AGL: variants seen among roughly 807,000 people sequenced by gnomAD.
AGL encodes glycogen debranching enzyme.
A neutral mutation model predicts 199.3 loss-of-function variants in AGL; 128 were observed. That is an observed-to-expected ratio of 0.64 (90% CI 0.56 to 0.74). AGL has a LOEUF of 0.74. Among genes scored for constraint, AGL ranks in the 30% least tolerant of loss-of-function variants. The pLI is 0.00. For synonymous variants in AGL, 584 were observed against 594.7 expected, an observed-to-expected ratio of 0.98 and a Z score of 0.26; for missense variants, 1,809 against 1,820.8, an observed-to-expected ratio of 0.99 and a Z score of 0.12.
At chr1:99,878,347 A>C (rs1392976357) in intron 12 of AGL, among the ~76,000 whole-genome samples, 1 of 152,054 alleles carries the variant, frequency 6.6e-6, no homozygotes, top group Non-Finnish European at 1.5e-5. Context: ...CTGTCTAAAA[A>C]ATAAATTAAT....
chr1:99,909,814 A>G (rs1159108673), intron 27 of AGL, among the ~76,000 whole-genome samples: 1 of 152,180 alleles, frequency 6.6e-6, no homozygotes, highest in Non-Finnish European at 1.5e-5. Context: ...GAGGAAGATC[A>G]GGGAAAAATG....
rs775007907 is a variant in AGL, at chr1:99,884,253, G to A, written c.2433+9G>A. 18 of 1,612,938 alleles carry A rather than the reference G, an allele frequency of 1.1e-5. No homozygotes were observed. The highest frequency in any genetic ancestry group is 1.4e-5 in the Non-Finnish European group (16 of 1,179,290). Reference sequence around the variant, plus strand: ...TTAGAGAACATATTCAGGTATTTGGGACTCTCATCTTACTACTGTGTTTAG... The same window carrying A: ...TTAGAGAACATATTCAGGTATTTGGAACTCTCATCTTACTACTGTGTTTAG... On this transcript the variant is annotated intron_variant, in intron 18 of 33. Transcript: ENST00000361915.
chr1:99,900,936 A>T, intron 26 of AGL, 75 bp downstream of exon 26: 2 of 1,277,406 alleles, frequency 1.6e-6, no homozygotes. Context: ...TCTAATGTAA[A>T]AATAAGGGTA....
rs909008103 is a variant in AGL, at chr1:99,879,957, A to G, written c.1646A>G (p.Asn549Ser). The G allele has an allele frequency of 1.4e-5, 23 of 1,613,516 alleles. No homozygotes were observed. The highest frequency in any genetic ancestry group is 5.3e-5 in the African/African-American group (4 of 74,858). The change falls in exon 13 of 34, where the codon AAT becomes AGT. Residue 549 changes from asparagine to serine, a missense_variant. Transcript: ENST00000361915. ...GATGCTGCTAGGAATTTGCAACCCA[A>G]TTTATATGTAGTAGCTGAACTGTTC... ...MLDAARNLQP[N>S]LYVVAELFTG...
chr1:99,860,871 C>T (rs1649975597), intron 2 of AGL, among the ~76,000 whole-genome samples: 1 of 152,198 alleles, frequency 6.6e-6, no homozygotes, highest in African/African-American at 2.4e-5. Flanking sequence ...GTCAGAGGTT[C>T]CCACCACCCT....
chr1:99,860,407 C>T (rs975248465), intron 2 of AGL, among the ~76,000 whole-genome samples: 59 of 152,092 alleles, frequency 3.9e-4, no homozygotes, highest in African/African-American at 1.4e-3. Flanking sequence ...AAGTTATATT[C>T]GTGTTTAAAA....
At chr1:99,885,042 AT>A (rs1197404892) in intron 20 of AGL, among the ~76,000 whole-genome samples, 3 of 152,212 alleles carry the variant, frequency 2.0e-5, no homozygotes, top group Non-Finnish European at 4.4e-5. Flanking sequence ...TTTTTTAAAA[AT>A]GTCAACATAT....
intron 21 of AGL, among the ~76,000 whole-genome samples, chr1:99,888,650 G>A (rs1160176896): frequency 1.3e-5 from 2 of 152,024 alleles, no homozygotes; most frequent in East Asian, 3.8e-4. Context: ...ACATACAGTA[G>A]TTGTAAGATG....
At chr1:99,896,240 G>T in intron 24 of AGL, 46 bp from the exon 25 acceptor site, 1 of 1,466,126 alleles carries the variant, frequency 6.8e-7, no homozygotes, top group South Asian at 1.1e-5. Flanking sequence ...AGGTTTGTGT[G>T]TATTATTATG....
rs776015923 is a variant in AGL, at chr1:99,916,689, T to G, written c.4439T>G (p.Leu1480Trp). The G allele has an allele frequency of 9.3e-6, 15 of 1,613,330 alleles. No homozygotes were observed. In the Admixed American group the frequency reaches 2.3e-4, roughly 25 times the overall value. Residue 1480 changes from leucine (L) to tryptophan (W), a missense_variant, in exon 33 of 34, where the codon TTG becomes TGG. Physicochemically the swap from Leu to Trp is moderately conservative, Grantham distance 61. Transcript: ENST00000361915. The part of the protein sequence containing the change: ...GPETTAKTIV[L>W]VKNVLSRHYV... ...GAGACTACTGCAAAGACTATAGTTT[T>G]GGTTAAAAATGTTCTTTCCCGACAT... is the stretch of plus-strand genomic sequence containing the variant.
chr1:99,872,355 C>A (rs1382625084), intron 7 of AGL, among the ~76,000 whole-genome samples: 3 of 152,054 alleles, frequency 2.0e-5, no homozygotes, highest in Admixed American at 6.6e-5. Flanking sequence ...GTGAGTCAAT[C>A]TGAAGGATAC....
chr1:99,881,762 G>C, intron 17 of AGL, 71 bp downstream of exon 17: 1 of 1,284,068 alleles, frequency 7.8e-7, no homozygotes, highest in Non-Finnish European at 1.1e-6. Context: ...TAATGTTATG[G>C]TTATATATCA....
intron 17 of AGL, among the ~76,000 whole-genome samples, chr1:99,882,405 T>C (rs1248415202): frequency 6.6e-6 from 1 of 152,178 alleles, no homozygotes; most frequent in Non-Finnish European, 1.5e-5. Context: ...ACATGCGAAC[T>C]AAAATGGAAA....
Position 99,861,617 on chromosome 1 carries a change from A to T in AGL, c.197A>T (p.Asp66Val). The T allele has an allele frequency of 6.2e-7, 1 of 1,613,910 alleles. No individual in the cohort carries two copies. Among genetic ancestry groups the T allele is most frequent in the Non-Finnish European group, 8.5e-7 (1 of 1,179,844 alleles). ...AATAGAGAAAAATTCCGTTCTCTGG[A>T]TTGGGAAAATCCAACAGAAAGAGAA... Reference protein sequence around the residue: ...TFNREKFRSLDWENPTEREDD... With the variant: ...TFNREKFRSLVWENPTEREDD... The change falls in exon 3 of 34, where the codon GAT becomes GTT. Residue 66 changes from aspartate to valine, a missense_variant. Coordinates refer to ENST00000361915, the MANE Select transcript of AGL (RefSeq NM_000642.3).
intron 2 of AGL, among the ~76,000 whole-genome samples, chr1:99,860,213 T>C (rs910200886): frequency 6.6e-6 from 1 of 152,002 alleles, no homozygotes; most frequent in African/African-American, 2.4e-5. Flanking sequence ...CCTGTTAGTA[T>C]ATCCTCTTTT....
intron 5 of AGL, among the ~76,000 whole-genome samples, chr1:99,868,067 A>G (rs1386448799): frequency 6.6e-6 from 1 of 152,196 alleles, no homozygotes; most frequent in Non-Finnish European, 1.5e-5. Flanking sequence ...GATTGTTTTT[A>G]AAATTATTTT....
chr1:99,891,545 C>CT (rs1342046454), intron 22 of AGL, 61 bp from the exon 23 acceptor site: 1 of 1,596,444 alleles, frequency 6.3e-7, no homozygotes, highest in African/African-American at 1.3e-5. Context: ...AGATTTACCT[C>CT]TAAAAACACA....
Position 99,861,607 on chromosome 1 carries a change from C to T in AGL, c.187C>T (p.Arg63Cys), listed in dbSNP as rs778524671. The T allele has an allele frequency of 1.4e-5, 23 of 1,613,678 alleles. No homozygotes were observed. The highest frequency in any genetic ancestry group is 4.0e-5 in the African/African-American group (3 of 74,874). Residue 63 changes from arginine to cysteine, a missense_variant, in exon 3 of 34, where the codon CGT (arginine) becomes TGT (cysteine). Arg to Cys is a radical substitution (Grantham distance 180). Coordinates refer to ENST00000361915, the MANE Select transcript of AGL (RefSeq NM_000642.3). ...PGETFNREKF[R>C]SLDWENPTER... is the part of the protein sequence containing the mutation. ...AGAAACATTTAATAGAGAAAAATTC[C>T]GTTCTCTGGATTGGGAAAATCCAAC...
intron 31 of AGL, 109 bp from the exon 32 acceptor site, chr1:99,916,301 G>A: frequency 2.3e-6 from 2 of 876,680 alleles, no homozygotes; most frequent in South Asian, 1.6e-5. Context: ...TTCTGTAGAA[G>A]ACAAAATAAT....
Sources: allele counts gnomAD v4.1 joint callset (sites outside exome capture counted in the v4.1 genomes callset), GRCh38; gene constraint gnomAD v4.1.1; transcripts MANE v1.5; gene names NCBI Gene and HGNC (gene_info 2026-07-23, HGNC 2026-07-21).